Variants in SCARA3 observed in about 807,000 individuals in gnomAD.
SCARA3 encodes cellular stress response gene protein.
Under a neutral mutation model 47.0 loss-of-function variants are expected in SCARA3, and 39 were observed. That is an observed-to-expected ratio of 0.83 (90% confidence interval 0.64 to 1.08). The LOEUF (loss-of-function observed/expected upper bound fraction) is 1.08. Among genes scored for constraint, SCARA3 ranks in the 50% least tolerant of loss-of-function variants. The pLI is 0.00. For synonymous variants in SCARA3, 356 were observed against 334.1 expected (o/e 1.07, Z -0.71); for missense variants, 724 against 792.3 (o/e 0.91, Z 1.04).
At chr8:27,675,730 C>A (rs189115200), downstream of SCARA3, among the ~76,000 whole-genome samples, 416 of 152,256 alleles carry the variant, frequency 2.7e-3, 7 homozygotes, top group African/African-American at 9.5e-3. Flanking sequence ...GTGGAGGTTG[C>A]AGTGAGCTGA....
At chr8:27,733,477 A>G in the SCARA3 span, 1 of 152,354 alleles carries the variant, frequency 6.6e-6, no homozygotes, top group Non-Finnish European at 1.5e-5. Context: ...AGGAGCTCTC[A>G]CGAAGTGCCA....
chr8:27,659,886 GA>G (rs1401253257), intron 5 of SCARA3, among the ~76,000 whole-genome samples: 1 of 125,188 alleles, frequency 8.0e-6, no homozygotes, highest in African/African-American at 2.9e-5. Flanking sequence ...AAGAGAGAGA[GA>G]GAGAAAAGAA....
intron 4 of SCARA3, 84 bp from the exon 5 acceptor site, chr8:27,658,412 T>C: frequency 7.6e-7 from 1 of 1,320,610 alleles, no homozygotes; most frequent in Non-Finnish European, 1.0e-6. Flanking sequence ...ACCAATTTCT[T>C]ATGCTCTGAA....
At chr8:27,641,028 T>A (rs1310773518) in intron 1 of SCARA3, among the ~76,000 whole-genome samples, 1 of 152,242 alleles carries the variant, frequency 6.6e-6, no homozygotes, top group East Asian at 1.9e-4. Context: ...TTTCATAACA[T>A]CCCATAGTAA....
At chr8:27,721,197 C>A in the SCARA3 span, among the ~76,000 whole-genome samples, 1 of 148,620 alleles carries the variant, frequency 6.7e-6, no homozygotes, top group Non-Finnish European at 1.5e-5. Flanking sequence ...CACCTCACAT[C>A]AAATGCAATA....
the SCARA3 span, chr8:27,701,734 C>A: frequency 6.6e-6 from 1 of 150,928 alleles, no homozygotes; most frequent in Non-Finnish European, 1.5e-5. Flanking sequence ...GCTCACCTGA[C>A]CTCCCATGCC....
chr8:27,692,787 T>C, the SCARA3 span, among the ~76,000 whole-genome samples: 2 of 152,136 alleles, frequency 1.3e-5, no homozygotes, highest in African/African-American at 4.8e-5. Context: ...TCCTTTCTAT[T>C]GATTCCAGGT....
chr8:27,729,402 C>T, the SCARA3 span, among the ~76,000 whole-genome samples: 1 of 152,184 alleles, frequency 6.6e-6, no homozygotes, highest in Non-Finnish European at 1.5e-5. Flanking sequence ...CCCTGCAGCA[C>T]CAGAATGTAC....
intron 3 of SCARA3, among the ~76,000 whole-genome samples, chr8:27,656,145 G>A (rs1801739031): frequency 1.3e-5 from 2 of 152,108 alleles, no homozygotes; most frequent in Non-Finnish European, 2.9e-5. Flanking sequence ...GATGAGTATG[G>A]TACAATAAGA....
the SCARA3 span, among the ~76,000 whole-genome samples, chr8:27,711,582 T>A: frequency 2.0e-5 from 3 of 152,162 alleles, no homozygotes; most frequent in Non-Finnish European, 2.9e-5. Flanking sequence ...TGGAAAATGG[T>A]ATTTAGAATT....
chr8:27,729,544 A>G, the SCARA3 span, among the ~76,000 whole-genome samples: 2 of 152,188 alleles, frequency 1.3e-5, no homozygotes, highest in Admixed American at 1.3e-4. Context: ...TAATCCCAGC[A>G]CTTTGGGAGG....
At chr8:27,717,709 C>G in the SCARA3 span, among the ~76,000 whole-genome samples, 1 of 151,992 alleles carries the variant, frequency 6.6e-6, no homozygotes, top group South Asian at 2.1e-4. Context: ...CGCTTGAACC[C>G]GGGAGACAGA....
At chr8:27,652,422 G>A (rs990060838) in intron 3 of SCARA3, among the ~76,000 whole-genome samples, 24 of 152,130 alleles carry the variant, frequency 1.6e-4, no homozygotes, top group African/African-American at 5.6e-4. Flanking sequence ...TGAAAATCCG[G>A]GCTCTGGTAG....
At chr8:27,692,726 C>A in the SCARA3 span, among the ~76,000 whole-genome samples, 1 of 152,102 alleles carries the variant, frequency 6.6e-6, no homozygotes, top group Non-Finnish European at 1.5e-5. Flanking sequence ...GAAGCTTCAC[C>A]TACATAATAA....
chr8:27,669,147 G>C (rs1013462726), intron 5 of SCARA3, among the ~76,000 whole-genome samples: 1 of 152,208 alleles, frequency 6.6e-6, no homozygotes, highest in African/African-American at 2.4e-5. Context: ...GGGACAGAAG[G>C]AGGAGGCGAA....
At chr8:27,695,894 G>A in the SCARA3 span, among the ~76,000 whole-genome samples, 295 of 152,032 alleles carry the variant, frequency 1.9e-3, 3 homozygotes, top group African/African-American at 6.7e-3. Context: ...GGAAAATATC[G>A]AATGTTCTAA....
chr8:27,729,914 A>G, the SCARA3 span, among the ~76,000 whole-genome samples: 1 of 152,154 alleles, frequency 6.6e-6, no homozygotes, highest in African/African-American at 2.4e-5. Context: ...CCTTCAGTAG[A>G]CAGTGCATTA....
At chr8:27,645,024 CT>C (rs35839992) in intron 1 of SCARA3, among the ~76,000 whole-genome samples, 1 of 152,314 alleles carries the variant, frequency 6.6e-6, no homozygotes, top group Non-Finnish European at 1.5e-5. Flanking sequence ...CAACATTTTG[CT>C]CCTACCCAGT....
At chr8:27,717,014 G>C in the SCARA3 span, among the ~76,000 whole-genome samples, 1 of 152,100 alleles carries the variant, frequency 6.6e-6, no homozygotes, top group Admixed American at 6.6e-5. Context: ...TAAATTTCAG[G>C]ATCTTCTACA....
Sources: allele counts gnomAD v4.1 joint callset (sites outside exome capture counted in the v4.1 genomes callset), GRCh38; gene constraint gnomAD v4.1.1; transcripts MANE v1.5; gene names NCBI Gene and HGNC (gene_info 2026-07-23, HGNC 2026-07-21).